Variants in LRP2 observed in about 807,000 individuals in gnomAD.
LRP2 encodes the protein LDL receptor related protein 2, also known as low-density lipoprotein receptor-related protein 2.
Under a neutral mutation model 531.0 loss-of-function variants are expected in LRP2, and 172 were observed. The ratio of observed to expected loss-of-function variants is 0.32; its 90% confidence interval spans 0.29 to 0.37. The LOEUF is 0.37. Among genes scored for constraint, LRP2 ranks in the 10% least tolerant of loss-of-function variants. The pLI is 1.00. For synonymous variants in LRP2, 1,992 were observed against 2,027.6 expected (o/e 0.98, Z 0.47); for missense variants, 5,167 against 5,868.3 (o/e 0.88, Z 3.90).
chr2:169,236,145 A>T lies in LRP2; in HGVS notation c.4692-77T>A, dbSNP rs12151603. 0.024 allele frequency: 25,280 copies of T among 1,043,490 alleles called. 432 individuals are homozygous for T. Among genetic ancestry groups the T allele is most frequent in the Non-Finnish European group, 0.028 (19,076 of 684,768 alleles). 64.6% of individuals were successfully genotyped at this position (1,043,490 alleles called of 1,614,324 possible). Reference sequence around the variant, plus strand: ...AATAACTGTCATTTTAAATAATACAACATCCTGTTTATGCCCTGCTTAAAA... The same window carrying T: ...AATAACTGTCATTTTAAATAATACATCATCCTGTTTATGCCCTGCTTAAAA... On this transcript the variant is annotated intron_variant, in intron 28 of 78. Coordinates refer to ENST00000649046, the MANE Select transcript of LRP2 (RefSeq NM_004525.3).
chr2:169,207,198 C>T lies in LRP2; in HGVS notation c.6522G>A (p.Leu2174=). 1 of 1,613,900 alleles carries T rather than the reference C, an allele frequency of 6.2e-7. No homozygotes were observed. Among genetic ancestry groups the T allele is most frequent in the Non-Finnish European group, 8.5e-7 (1 of 1,179,964 alleles). The change falls in exon 39 of 79, where the codon CTG becomes CTA. Residue 2174 remains leucine, a synonymous_variant. Transcript: ENST00000649046. ...CACGGCGGTAAGTAGTATTGATCCG[C>T]AGAACTTCTATCAGTGTTTCAGAAA... is the stretch of plus-strand genomic sequence containing the variant. The part of the protein sequence containing the change: ...AFVSETLIEV[L]RINTTYRRVL...
intron 16 of LRP2, among the ~76,000 whole-genome samples, chr2:169,262,226 T>A (rs1574193611): frequency 6.8e-6 from 1 of 146,410 alleles, no homozygotes; most frequent in Admixed American, 6.9e-5. Context: ...TTCAACATAG[T>A]GTTGGAAATT....
intron 26 of LRP2, among the ~76,000 whole-genome samples, chr2:169,238,517 T>C (rs1310283304): frequency 2.6e-5 from 4 of 152,000 alleles, no homozygotes; most frequent in Non-Finnish European, 5.9e-5. Context: ...GTACTTAAAA[T>C]AGACTCTTTC....
At chr2:169,302,953 G>T (rs1349606925) in intron 4 of LRP2, among the ~76,000 whole-genome samples, 1 of 151,968 alleles carries the variant, frequency 6.6e-6, no homozygotes, top group African/African-American at 2.4e-5. Context: ...AAGAAGAGTT[G>T]TTTAATTTTT....
chr2:169,342,789 A>C (rs1685600267), intron 1 of LRP2, among the ~76,000 whole-genome samples: 1 of 152,216 alleles, frequency 6.6e-6, no homozygotes, highest in African/African-American at 2.4e-5. Flanking sequence ...GATAAAAAAA[A>C]AGCTTGCAAT....
chr2:169,183,619 T>C (rs1005996217), intron 50 of LRP2, among the ~76,000 whole-genome samples: 8 of 152,300 alleles, frequency 5.3e-5, no homozygotes, highest in Admixed American at 5.2e-4. Context: ...GCTTACTGCT[T>C]TCCCATTAAT....
rs1688420334 is a variant in LRP2 at position 169,207,064 on chromosome 2, A to C, written c.6656T>G (p.Phe2219Cys). 2 of 1,613,956 alleles carry C rather than the reference A, an allele frequency of 1.2e-6. No individual in the cohort carries two copies. Among genetic ancestry groups the C allele is most frequent in the Non-Finnish European group, 8.5e-7 (1 of 1,179,846 alleles). ...YGQRPKIERS[F>C]LDCTNRTVLV... ...CACTGTTCGATTGGTACAGTCAAGG[A>C]AAGAACGCTCAATCTTTGGTCTCTG... Residue 2219 changes from phenylalanine (F) to cysteine (C), a missense_variant, in exon 39 of 79, where the codon TTC (phenylalanine) becomes TGC (cysteine). Phe to Cys is a radical substitution (Grantham distance 205, BLOSUM62 -2). Around this residue, in one of 6 missense-constraint regions of LRP2, gnomAD observed 2,811 missense variants for 3,058.0 expected, o/e 0.92. Transcript: ENST00000649046.
chr2:169,271,102 G>C lies in LRP2; in HGVS notation c.2122C>G (p.Gln708Glu). ...TGGGATGAAAAAATGAGGAAATTCT[G>C]AACAGCTGTAGGAAGAATAACACAG... is the stretch of plus-strand genomic sequence containing the variant. ...DTDERHCIAV[Q>E]NFLIFSSQVA... The change falls in exon 16 of 79, where the codon CAG (glutamine) becomes GAG (glutamate). Residue 708 changes from glutamine (Q) to glutamate (E), a missense_variant. By Grantham distance (29) the Gln-to-Glu change is conservative (BLOSUM62 2). Coordinates refer to ENST00000649046, the MANE Select transcript of LRP2 (RefSeq NM_004525.3). The C allele has an allele frequency of 6.2e-7, 1 of 1,611,378 alleles. No individual in the cohort carries two copies. The highest frequency in any genetic ancestry group is 1.3e-5 in the African/African-American group (1 of 74,918).
chr2:169,300,491 A>G (rs949644285), intron 4 of LRP2, among the ~76,000 whole-genome samples: 1 of 152,132 alleles, frequency 6.6e-6, no homozygotes, highest in African/African-American at 2.4e-5. Context: ...TTTTTTAAAG[A>G]AAGAAACAGG....
At position 169,168,684 on chromosome 2, in the gene LRP2, G is replaced by A; in HGVS notation, c.11498-8C>T. On this transcript the variant is annotated splice_polypyrimidine_tract_variant and splice_region_variant and intron_variant, in intron 60 of 78. Transcript: ENST00000649046. ...CATCAGGAAAGCGTGTGGCTGCCAT[G>A]GGGGAAAAAAACATATTCAAATTAT... is the stretch of plus-strand genomic sequence containing the variant. The A allele has an allele frequency of 6.2e-7, 1 of 1,612,542 alleles. No individual in the cohort carries two copies. The highest frequency in any genetic ancestry group is 1.1e-5 in the South Asian group (1 of 91,030).
chr2:169,239,469 T>C, intron 26 of LRP2, 58 bp downstream of exon 26: 1 of 1,613,312 alleles, frequency 6.2e-7, no homozygotes, highest in Non-Finnish European at 8.5e-7. Flanking sequence ...ACATGTGCCA[T>C]TTGATTTTAA....
chr2:169,259,958 T>C (rs547487461), intron 16 of LRP2, among the ~76,000 whole-genome samples: 96 of 152,200 alleles, frequency 6.3e-4, no homozygotes, highest in African/African-American at 2.2e-3. Context: ...CAACTATATA[T>C]TTAGAAAACA....
intron 70 of LRP2, among the ~76,000 whole-genome samples, chr2:169,143,497 T>C (rs1685801204): frequency 6.6e-6 from 1 of 150,748 alleles, no homozygotes; most frequent in Non-Finnish European, 1.5e-5. Context: ...AAAAAAAAAA[T>C]TAGCTGGGCG....
chr2:169,137,714 G>A (rs574377271), intron 75 of LRP2, among the ~76,000 whole-genome samples: 4 of 142,510 alleles, frequency 2.8e-5, no homozygotes, highest in Non-Finnish European at 6.1e-5. Flanking sequence ...ATTATGCAAA[G>A]TAACATAACA....
chr2:169,292,202 G>T, intron 7 of LRP2, 51 bp downstream of exon 7: 1 of 1,339,424 alleles, frequency 7.5e-7, no homozygotes, highest in Non-Finnish European at 1.1e-6. Context: ...ACAAGCGCTG[G>T]AAAACACTTG....
In LRP2 at chr2:169,168,607, G is replaced by A. The variant is rs1385793728; in HGVS notation, c.11567C>T (p.Pro3856Leu). The stretch of plus-strand genomic sequence containing the variant: ...ATCGCCATCACATTTCCAATATGGC[G>A]GGATACAAACATGGTTTTTGCATTC... ...MFECKNHVCI[P>L]PYWKCDGDDD... The change falls in exon 61 of 79, where the codon CCG becomes CTG. Residue 3856 changes from proline (P) to leucine (L), a missense_variant. Physicochemically the swap from Pro to Leu is moderately conservative, Grantham distance 98. Coordinates refer to ENST00000649046, the MANE Select transcript of LRP2 (RefSeq NM_004525.3). 6.8e-6 allele frequency: 11 copies of A among 1,613,892 alleles called. No homozygotes were observed. The highest frequency in any genetic ancestry group is 1.1e-5 in the South Asian group (1 of 91,076).
intron 3 of LRP2, among the ~76,000 whole-genome samples, chr2:169,309,351 T>C (rs2105496525): frequency 6.6e-6 from 1 of 152,264 alleles, no homozygotes; most frequent in East Asian, 1.9e-4. Context: ...GTTTTTATGG[T>C]TTTAGGTCTG....
At chr2:169,266,517 G>A (rs1199037646) in intron 16 of LRP2, among the ~76,000 whole-genome samples, 4 of 152,018 alleles carry the variant, frequency 2.6e-5, no homozygotes, top group Admixed American at 6.6e-5. Context: ...AACCTTATGA[G>A]CAATATATGA....
At chr2:169,358,793 G>A (rs917753277) in intron 1 of LRP2, among the ~76,000 whole-genome samples, 1 of 150,256 alleles carries the variant, frequency 6.7e-6, no homozygotes, top group African/African-American at 2.5e-5. Context: ...AAGAGTTCAA[G>A]ACCAGCCTGG....
Sources: allele counts gnomAD v4.1 joint callset (sites outside exome capture counted in the v4.1 genomes callset), GRCh38; gene constraint gnomAD v4.1.1; regional missense constraint gnomAD v4.1.1; transcripts MANE v1.5; gene names NCBI Gene and HGNC (gene_info 2026-07-23, HGNC 2026-07-21).